The following UQCRB variants were observed in gnomAD, a reference collection of about 807,000 sequenced individuals.
UQCRB encodes cytochrome b-c1 complex subunit 7.
Under a neutral mutation model 19.8 loss-of-function variants are expected in UQCRB, and 12 were observed. The observed-to-expected ratio is 0.61, with a 90% CI of 0.39 to 0.98. UQCRB has a LOEUF of 0.98. Among genes scored for constraint, UQCRB ranks in the 50% least tolerant of loss-of-function variants. The pLI, the probability that UQCRB is intolerant of heterozygous loss-of-function variation, is 0.00. For synonymous variants in UQCRB, 39 were observed against 42.9 expected (o/e 0.91, Z 0.35); for missense variants, 142 against 131.8 (o/e 1.08, Z -0.38).
Position 96,224,535 on chromosome 8 carries a change from AACG to A in UQCRB, c.*6517_*6519del, listed in dbSNP as rs2129766462. Among the ~76,000 whole-genome samples the A allele has an allele frequency of 6.6e-6, 1 of 152,304 alleles. No homozygotes were observed. Among genetic ancestry groups the A allele is most frequent in the South Asian group, 2.1e-4 (1 of 4,822 alleles). ...TAGATTTAGAATATGCAGCACAGCC[AACG>A]TCTCACAGAATGAGAAGCCACAGAA... On this transcript the variant is annotated 3_prime_UTR_variant, in exon 4 of 4. Transcript: ENST00000287022.
In UQCRB at chr8:96,224,017, G is replaced by A. The variant is rs1353839593; in HGVS notation, c.*7038C>T. On this transcript the variant is annotated 3_prime_UTR_variant, in exon 4 of 4. Transcript: ENST00000287022. Reference sequence around the variant, plus strand: ...GCATGAGTTAGCTTACCTCAAAGAAGCAAGCTTTGGTTTTCCAGGAACTGA... The same window carrying A: ...GCATGAGTTAGCTTACCTCAAAGAAACAAGCTTTGGTTTTCCAGGAACTGA... 6.6e-6 allele frequency among the ~76,000 whole-genome samples: 1 copy of A among 152,152 alleles called. No homozygotes were observed. The highest frequency in any genetic ancestry group is 2.4e-5 in the African/African-American group (1 of 41,440).
chr8:96,226,798 A>G lies in UQCRB; in HGVS notation c.*4257T>C. ...AATACACTCTTTCTTTGTAGGAGATATAATCAGAATCCAGAATGACAATTT... is the reference window on the plus strand; with the variant it reads ...AATACACTCTTTCTTTGTAGGAGATGTAATCAGAATCCAGAATGACAATTT... On this transcript the variant is annotated 3_prime_UTR_variant, in exon 4 of 4. Transcript: ENST00000287022. 1 of 439,120 alleles carries G rather than the reference A, an allele frequency of 2.3e-6. No individual in the cohort carries two copies. Among genetic ancestry groups the G allele is most frequent in the South Asian group, 1.7e-5 (1 of 60,274 alleles). 27.2% of individuals were successfully genotyped at this position (439,120 alleles called of 1,614,324 possible). A position where few individuals can be genotyped will look rare whatever the true frequency, so the allele number is the denominator to read the frequency against.
rs756381393 is a variant in UQCRB, at chr8:96,230,869, A to G, written c.*186T>C. 11 of 755,292 alleles carry G rather than the reference A, an allele frequency of 1.5e-5. No homozygotes were observed. The highest frequency in any genetic ancestry group is 1.4e-4 in the East Asian group (5 of 36,510). The allele number at this position is 755,292 out of a possible 1,614,324, so 46.8% of individuals were successfully genotyped here. ...AACTAAATATATCTTGAAAGTTTGG[A>G]AAAAAATTTAACAGTAAAGGGATTC... On this transcript the variant is annotated 3_prime_UTR_variant, in exon 4 of 4. Coordinates refer to ENST00000287022, the MANE Select transcript of UQCRB (RefSeq NM_006294.5).
chr8:96,229,766 GA>G lies in UQCRB; in HGVS notation c.*1288del, dbSNP rs201329056. The G allele has an allele frequency of 1.5e-3, 640 of 415,362 alleles. No individual in the cohort carries two copies. Among genetic ancestry groups the G allele is most frequent in the South Asian group, 4.5e-3 (259 of 58,110 alleles). 25.7% of individuals were successfully genotyped at this position (415,362 alleles called of 1,614,324 possible). A position where few individuals can be genotyped will look rare whatever the true frequency, so the allele number is the denominator to read the frequency against. ...TTAGAAAAATAACGACCAGCGAAAG[GA>G]AAAAAAAAAGCGGGGGAGGGGGTTC... On this transcript the variant is annotated 3_prime_UTR_variant, in exon 4 of 4. Coordinates refer to ENST00000287022, the MANE Select transcript of UQCRB (RefSeq NM_006294.5).
At position 96,230,257 on chromosome 8, in the gene UQCRB, A is replaced by T; in HGVS notation, c.*798T>A. Reference sequence around the variant, plus strand: ...CGCCTAGCTAATTTTTTGTATTTTTAGTAGAGACAGGGTTTCACCATGTTG... The same window carrying T: ...CGCCTAGCTAATTTTTTGTATTTTTTGTAGAGACAGGGTTTCACCATGTTG... On this transcript the variant is annotated 3_prime_UTR_variant, in exon 4 of 4. Transcript: ENST00000287022. The T allele has an allele frequency of 2.3e-6, 1 of 425,666 alleles. No individual in the cohort carries two copies. The allele number at this position is 425,666 out of a possible 1,614,324, so 26.4% of individuals were successfully genotyped here.
At chr8:96,235,286 C>T (rs998485391) in intron 1 of UQCRB, 3 of 638,440 alleles carry the variant, frequency 4.7e-6, no homozygotes, top group Admixed American at 5.2e-5. Context: ...CCACCGCGGG[C>T]ACCTTCACAA....
intron 2 of UQCRB, chr8:96,232,912 A>T (rs1809709599): frequency 2.1e-6 from 1 of 474,210 alleles, no homozygotes; most frequent in Admixed American, 3.8e-5. Flanking sequence ...ATGTCTTACT[A>T]CTTAAATCAT....
chr8:96,229,851 A>G lies in UQCRB; in HGVS notation c.*1204T>C. ...AATTTAAAGATGCTCTTTATGATAC[A>G]CACATTTCTCATTGCTTTACAAACT... On this transcript the variant is annotated 3_prime_UTR_variant, in exon 4 of 4. Transcript: ENST00000287022. The G allele has an allele frequency of 2.2e-6, 1 of 454,104 alleles. No homozygotes were observed. Among genetic ancestry groups the G allele is most frequent in the Non-Finnish European group, 4.4e-6 (1 of 226,784 alleles). 28.1% of individuals were successfully genotyped at this position (454,104 alleles called of 1,614,324 possible). A position where few individuals can be genotyped will look rare whatever the true frequency, so the allele number is the denominator to read the frequency against.
At position 96,230,958 on chromosome 8, in the gene UQCRB, A is replaced by G. The variant is rs1809655549; in HGVS notation, c.*97T>C. The G allele has an allele frequency of 3.9e-6, 5 of 1,280,216 alleles. No individual in the cohort carries two copies. The highest frequency in any genetic ancestry group is 5.7e-6 in the Non-Finnish European group (5 of 878,572). 79.3% of individuals were successfully genotyped at this position (1,280,216 alleles called of 1,614,324 possible). ...CAGCCATTACAATAGACATTTATTT[A>G]AAGTAAAACATCTTCAGACCAAATA... On this transcript the variant is annotated 3_prime_UTR_variant, in exon 4 of 4. Coordinates refer to ENST00000287022, the MANE Select transcript of UQCRB (RefSeq NM_006294.5).
rs1346085787 is a variant in UQCRB, at chr8:96,226,984, T to G, written c.*4071A>C. ...CTTAGAGGCACTATCCGACCTGAGA[T>G]CTCAGATTCTAACATGTTATGGCTT... On this transcript the variant is annotated 3_prime_UTR_variant, in exon 4 of 4. Transcript: ENST00000287022. 1 of 453,950 alleles carries G rather than the reference T, an allele frequency of 2.2e-6. No individual in the cohort carries two copies. The highest frequency in any genetic ancestry group is 4.4e-6 in the Non-Finnish European group (1 of 226,786). The allele number at this position is 453,950 out of a possible 1,614,324, so 28.1% of individuals were successfully genotyped here.
At position 96,231,070 on chromosome 8, in the gene UQCRB, T is replaced by C. The variant is rs957586707; in HGVS notation, c.321A>G (p.Glu107=). Residue 107 remains glutamate, a synonymous_variant, in exon 4 of 4, where the codon GAA becomes GAG. Transcript: ENST00000287022. ...EVIRERKERE[E]WAKK is the part of the protein sequence containing the mutation. ...AACTACATGATTACTTCTTTGCCCA[T>C]TCTTCTCTTTCTTTTCTTTCCCGAA... The C allele has an allele frequency of 6.2e-7, 1 of 1,613,494 alleles. No individual in the cohort carries two copies. Among genetic ancestry groups the C allele is most frequent in the African/African-American group, 1.3e-5 (1 of 74,926 alleles).
At position 96,226,974 on chromosome 8, in the gene UQCRB, C is replaced by T. The variant is rs146632605; in HGVS notation, c.*4081G>A. On this transcript the variant is annotated 3_prime_UTR_variant, in exon 4 of 4. Transcript: ENST00000287022. ...CAAAATATAACTTAGAGGCACTATCCGACCTGAGATCTCAGATTCTAACAT... is the reference window on the plus strand; with the variant it reads ...CAAAATATAACTTAGAGGCACTATCTGACCTGAGATCTCAGATTCTAACAT... 2.8e-3 allele frequency: 1,266 copies of T among 453,954 alleles called. 8 individuals carry two copies. The highest frequency in any genetic ancestry group is 0.014 in the African/African-American group (701 of 50,092). The allele number at this position is 453,954 out of a possible 1,614,324, so 28.1% of individuals were successfully genotyped here. A position where few individuals can be genotyped will look rare whatever the true frequency, so the allele number is the denominator to read the frequency against.
chr8:96,229,734 G>T lies in UQCRB; in HGVS notation c.*1321C>A, dbSNP rs1342972371. 1.1e-5 allele frequency: 5 copies of T among 450,542 alleles called. No individual in the cohort carries two copies. Among genetic ancestry groups the T allele is most frequent in the Admixed American group, 2.4e-5 (1 of 42,110 alleles). 27.9% of individuals were successfully genotyped at this position (450,542 alleles called of 1,614,324 possible). ...CAAAAGAAAATTGACATGATTTCAG[G>T]ATAGGTTTAGAAAAATAACGACCAG... On this transcript the variant is annotated 3_prime_UTR_variant, in exon 4 of 4. Transcript: ENST00000287022.
At chr8:96,234,408 G>C in intron 1 of UQCRB, 1 of 844,990 alleles carries the variant, frequency 1.2e-6, no homozygotes, top group South Asian at 1.4e-5. Flanking sequence ...ACTACAGAAG[G>C]GGAAGCTGGC....
chr8:96,232,049 C>T (rs1048820211), intron 2 of UQCRB, 109 bp from the exon 3 acceptor site: 13 of 1,049,308 alleles, frequency 1.2e-5, no homozygotes, highest in East Asian at 5.0e-5. Flanking sequence ...GGTGAACTAT[C>T]GAATTCAAAT....
chr8:96,231,627 A>T, intron 3 of UQCRB, 147 bp downstream of exon 3: 1 of 1,382,626 alleles, frequency 7.2e-7, no homozygotes, highest in African/African-American at 1.4e-5. Flanking sequence ...TTCTTCTAAA[A>T]CGGAAATAAC....
At position 96,224,337 on chromosome 8, in the gene UQCRB, G is replaced by A. The variant is rs1475549641; in HGVS notation, c.*6718C>T. ...GCTTTCTTCAGAGGAACGTGGGCTG[G>A]GGAATAAATATCTCTGTCTCTCTCA... On this transcript the variant is annotated 3_prime_UTR_variant, in exon 4 of 4. Coordinates refer to ENST00000287022, the MANE Select transcript of UQCRB (RefSeq NM_006294.5). Among the ~76,000 whole-genome samples the A allele has an allele frequency of 6.6e-6, 1 of 152,142 alleles. No homozygotes were observed. The highest frequency in any genetic ancestry group is 1.5e-5 in the Non-Finnish European group (1 of 68,024).
rs563832021 is a variant in UQCRB at position 96,233,604 on chromosome 8, A to G, written c.20-377T>C. On this transcript the variant is annotated intron_variant, in intron 1 of 3. Transcript: ENST00000287022. ...GAAATGAAGGGGTGGGAGATAGGAA[A>G]AGGACTTGGAAATTTCCATCATTTG... The G allele has an allele frequency of 5.6e-4, 98 of 176,032 alleles. 1 individual carries two copies. The South Asian group carries it at 0.012, about 22-fold the overall frequency. 10.9% of individuals were successfully genotyped at this position (176,032 alleles called of 1,614,324 possible).
rs1443596621 is a variant in UQCRB, at chr8:96,225,285, C to A, written c.*5770G>T. Among the ~76,000 whole-genome samples, 1 of 152,176 alleles carries A rather than the reference C, an allele frequency of 6.6e-6. No individual in the cohort carries two copies. The highest frequency in any genetic ancestry group is 1.5e-5 in the Non-Finnish European group (1 of 68,038). ...AAACAAGAAACTCTCCAACCAAATT[C>A]ACAAAGATTGCTTTTAATGAGAGCA... is the stretch of plus-strand genomic sequence containing the variant. On this transcript the variant is annotated 3_prime_UTR_variant, in exon 4 of 4. Coordinates refer to ENST00000287022, the MANE Select transcript of UQCRB (RefSeq NM_006294.5).
Sources: allele counts gnomAD v4.1 joint callset (sites outside exome capture counted in the v4.1 genomes callset), GRCh38; gene constraint gnomAD v4.1.1; transcripts MANE v1.5; gene names NCBI Gene and HGNC (gene_info 2026-07-23, HGNC 2026-07-21).